HPSE2: variants seen among roughly 807,000 people sequenced by gnomAD.
HPSE2 encodes heparanase 2 (inactive).
Under a neutral mutation model 60.5 loss-of-function variants are expected in HPSE2, and 38 were observed. That is an observed-to-expected ratio of 0.63 (90% CI 0.48 to 0.82). The LOEUF (loss-of-function observed/expected upper bound fraction) is 0.82, where lower values mean the gene tolerates loss of function less well. HPSE2 is among the 40% of genes least tolerant of loss of function. The pLI is 0.00. For missense variants in HPSE2, 713 were observed against 740.4 expected (o/e 0.96, Z 0.43); for synonymous variants, 295 against 293.2 (o/e 1.01, Z -0.06).
intron 4 of HPSE2, among the ~76,000 whole-genome samples, chr10:98,742,085 C>CT (rs1949511011): frequency 6.6e-6 from 1 of 152,146 alleles, no homozygotes; most frequent in African/African-American, 2.4e-5. Flanking sequence ...CATATCATTC[C>CT]TGCTTTTGTT....
chr10:98,463,513 T>C (rs188984276), intron 11 of HPSE2, among the ~76,000 whole-genome samples: 3 of 152,354 alleles, frequency 2.0e-5, no homozygotes, highest in African/African-American at 7.2e-5. Flanking sequence ...AATTCAAAAG[T>C]ATAGTAGGCT....
intron 3 of HPSE2, among the ~76,000 whole-genome samples, chr10:98,978,923 G>A (rs1053480239): frequency 6.6e-6 from 1 of 152,214 alleles, no homozygotes; most frequent in Non-Finnish European, 1.5e-5. Context: ...CGCTGGACAT[G>A]CATGTTCCCA....
intron 3 of HPSE2, among the ~76,000 whole-genome samples, chr10:99,127,390 A>G (rs1374783895): frequency 1.5e-4 from 23 of 152,210 alleles, no homozygotes. Context: ...CAAGTAGAAG[A>G]AAGAACTTCA....
chr10:98,663,718 C>T (rs990857519), intron 6 of HPSE2, among the ~76,000 whole-genome samples: 3 of 152,132 alleles, frequency 2.0e-5, no homozygotes, highest in African/African-American at 4.8e-5. Flanking sequence ...ACCCCATGGG[C>T]CTCTAGACTG....
chr10:99,091,904 C>A (rs1032705359), intron 3 of HPSE2, among the ~76,000 whole-genome samples: 5 of 152,148 alleles, frequency 3.3e-5, no homozygotes, highest in African/African-American at 1.2e-4. Context: ...TTCAGAAATT[C>A]TTTAACTCAA....
At chr10:98,612,733 T>G (rs959841659) in intron 9 of HPSE2, among the ~76,000 whole-genome samples, 9 of 152,250 alleles carry the variant, frequency 5.9e-5, no homozygotes, top group African/African-American at 2.2e-4. Context: ...TTAAGTATTA[T>G]CTGCATCTTT....
At chr10:99,001,029 A>G (rs1956766325) in intron 3 of HPSE2, among the ~76,000 whole-genome samples, 2 of 152,032 alleles carry the variant, frequency 1.3e-5, no homozygotes, top group Admixed American at 1.3e-4. Context: ...CTGAACTGTA[A>G]TTTGAATTTA....
chr10:98,940,771 A>G (rs1317457502), intron 3 of HPSE2, among the ~76,000 whole-genome samples: 2 of 142,526 alleles, frequency 1.4e-5, no homozygotes, highest in Non-Finnish European at 3.0e-5. Flanking sequence ...CTGGGCAGAG[A>G]CACAACCAAA....
At chr10:99,096,022 G>A (rs182958960) in intron 3 of HPSE2, among the ~76,000 whole-genome samples, 4 of 152,210 alleles carry the variant, frequency 2.6e-5, no homozygotes, top group Admixed American at 1.3e-4. Flanking sequence ...AAACATAAAA[G>A]AAAATTAATA....
chr10:98,824,163 A>G (rs2134625557), intron 3 of HPSE2, among the ~76,000 whole-genome samples: 1 of 152,324 alleles, frequency 6.6e-6, no homozygotes, highest in Admixed American at 6.5e-5. Flanking sequence ...TTCCACATAT[A>G]CAAAGTTCAA....
the HPSE2 span, among the ~76,000 whole-genome samples, chr10:99,305,975 G>GCACACACACA: frequency 1.7e-3 from 83 of 48,108 alleles, no homozygotes; most frequent in African/African-American, 4.2e-3. Flanking sequence ...GCGCGCGCGC[G>GCACACACACA]CGCGCACACA....
chr10:98,591,795 C>T (rs558959121), intron 9 of HPSE2, among the ~76,000 whole-genome samples: 49 of 152,232 alleles, frequency 3.2e-4, no homozygotes, highest in Admixed American at 1.2e-3. Context: ...TAGAGCATTT[C>T]GTCTTCATTT....
chr10:98,553,367 T>C (rs192331168), intron 9 of HPSE2, among the ~76,000 whole-genome samples: 2 of 152,346 alleles, frequency 1.3e-5, no homozygotes, highest in Non-Finnish European at 2.9e-5. Flanking sequence ...GTTTGCGCTG[T>C]TCTTTCTCTT....
intron 9 of HPSE2, among the ~76,000 whole-genome samples, chr10:98,533,921 T>A (rs995619577): frequency 2.0e-5 from 3 of 152,238 alleles, no homozygotes; most frequent in African/African-American, 7.2e-5. Flanking sequence ...TGAAACAGTT[T>A]CACTCAGTCC....
chr10:98,621,228 T>C (rs1946065805), intron 7 of HPSE2, among the ~76,000 whole-genome samples: 1 of 151,892 alleles, frequency 6.6e-6, no homozygotes, highest in African/African-American at 2.4e-5. Context: ...ACTTTGAAAA[T>C]AACTGCAGTA....
At chr10:98,734,517 T>A (rs1949302003) in intron 4 of HPSE2, among the ~76,000 whole-genome samples, 3 of 149,596 alleles carry the variant, frequency 2.0e-5, no homozygotes, top group African/African-American at 7.3e-5. Flanking sequence ...CAACATTTGT[T>A]ACTTTACTTT....
At position 98,596,283 on chromosome 10, in the gene HPSE2, T is replaced by G. The variant is rs558650285; in HGVS notation, c.1320+18621A>C. 6.6e-4 allele frequency among the ~76,000 whole-genome samples: 100 copies of G among 152,322 alleles called. 1 individual carries two copies. Among genetic ancestry groups the G allele is most frequent in the Middle Eastern group, 3.4e-3 (1 of 294 alleles). ...TAATTTTGATACAACAATTTAAATATTTTTATATTGTGTATCCCCTAACAA... is the reference window on the plus strand; with the variant it reads ...TAATTTTGATACAACAATTTAAATAGTTTTATATTGTGTATCCCCTAACAA... On this transcript the variant is annotated intron_variant, in intron 9 of 11. Coordinates refer to ENST00000370552, the MANE Select transcript of HPSE2 (RefSeq NM_021828.5).
At chr10:99,004,167 A>C (rs751951380) in intron 3 of HPSE2, among the ~76,000 whole-genome samples, 1 of 152,112 alleles carries the variant, frequency 6.6e-6, no homozygotes, top group East Asian at 1.9e-4. Flanking sequence ...TACACAGCAC[A>C]CAGTTGGCCC....
In HPSE2 at chr10:99,126,363, T is replaced by C. The variant is rs1445665233; in HGVS notation, c.610+17875A>G. 6.8e-6 allele frequency among the ~76,000 whole-genome samples: 1 copy of C among 147,358 alleles called. No individual in the cohort carries two copies. Among genetic ancestry groups the C allele is most frequent in the East Asian group, 2.1e-4 (1 of 4,874 alleles). ...CTGCCCCAACCTGATGGTATTTCACTACCTGCCCTAGTAGCTGAACAGAAA... is the reference window on the plus strand; with the variant it reads ...CTGCCCCAACCTGATGGTATTTCACCACCTGCCCTAGTAGCTGAACAGAAA... On this transcript the variant is annotated intron_variant, in intron 3 of 11. Transcript: ENST00000370552. The surrounding 1 kb of genome is among the most constrained non-coding windows in gnomAD (Gnocchi z 4.0).
Sources: gnomAD v4.1 joint callset for allele counts (sites outside exome capture counted in the v4.1 genomes callset) on GRCh38, gnomAD v4.1.1 for gene constraint, Gnocchi (gnomAD v3.1) non-coding constraint, MANE v1.5 for transcripts, NCBI Gene and HGNC (gene_info 2026-07-23, HGNC 2026-07-21) for gene names.